The following PPP1R14C variants were observed in gnomAD, a reference collection of about 807,000 sequenced individuals.
PPP1R14C encodes the protein protein phosphatase 1 regulatory inhibitor subunit 14C, also known as protein phosphatase 1 regulatory subunit 14C.
PPP1R14C carries 16 observed loss-of-function variants against 20.4 expected under a neutral mutation model. The ratio of observed to expected loss-of-function variants is 0.78; its 90% confidence interval spans 0.53 to 1.19. The LOEUF (loss-of-function observed/expected upper bound fraction) is 1.19. Ranked by LOEUF, PPP1R14C falls within the 50% of genes most tolerant of loss-of-function variation. The pLI is 0.00. For missense variants in PPP1R14C, 211 were observed against 220.1 expected, an observed-to-expected ratio of 0.96 and a Z score of 0.26; for synonymous variants, 91 against 91.0, an observed-to-expected ratio of 1.00 and a Z score of 0.00.
chr6:150,178,142 G>A (rs1353404967), intron 1 of PPP1R14C, among the ~76,000 whole-genome samples: 2 of 152,188 alleles, frequency 1.3e-5, no homozygotes, highest in East Asian at 3.9e-4. Flanking sequence ...CCTTGCCCTT[G>A]TGTGTGCCCT....
chr6:150,188,362 A>C (rs1448656347), intron 1 of PPP1R14C, among the ~76,000 whole-genome samples: 4 of 152,208 alleles, frequency 2.6e-5, no homozygotes, highest in Admixed American at 1.3e-4. Context: ...CATTTTGTTC[A>C]GAAGAGATTG....
rs184918008 is a variant in PPP1R14C at position 150,206,066 on chromosome 6, A to G, written c.307-8678A>G. 5.3e-3 allele frequency among the ~76,000 whole-genome samples: 809 copies of G among 151,886 alleles called. 3 individuals carry two copies. The highest frequency in any genetic ancestry group is 9.0e-3 in the Non-Finnish European group (609 of 67,952). On this transcript the variant is annotated intron_variant, in intron 1 of 3. Transcript: ENST00000361131. ...CACATGCTCTGTCCCTTCCCCCACC[A>G]TGGCCCCAACTCTGATACAGTGACC... is the stretch of plus-strand genomic sequence containing the variant.
intron 1 of PPP1R14C, among the ~76,000 whole-genome samples, chr6:150,214,483 T>C (rs974362338): frequency 1.3e-5 from 2 of 151,912 alleles, no homozygotes; most frequent in African/African-American, 4.8e-5. Flanking sequence ...CCTTCCTTCC[T>C]TCATTTCCCT....
chr6:150,231,116 G>A (rs552362217), intron 3 of PPP1R14C, among the ~76,000 whole-genome samples: 15 of 152,302 alleles, frequency 9.8e-5, no homozygotes, highest in African/African-American at 2.9e-4. Context: ...GTGATACCAC[G>A]CCCCTGTGAC....
intron 1 of PPP1R14C, among the ~76,000 whole-genome samples, chr6:150,203,107 G>A (rs1336917958): frequency 1.3e-5 from 2 of 152,172 alleles, no homozygotes; most frequent in Non-Finnish European, 2.9e-5. Context: ...GGGGTTGTGT[G>A]TCATTTTCCT....
At chr6:150,217,020 T>A (rs1778102626) in intron 3 of PPP1R14C, among the ~76,000 whole-genome samples, 164 bp downstream of exon 3, 1 of 152,220 alleles carries the variant, frequency 6.6e-6, no homozygotes. Flanking sequence ...ACTTCATTAT[T>A]TCTAAGCCTA....
intron 3 of PPP1R14C, among the ~76,000 whole-genome samples, chr6:150,235,247 C>G (rs940184591): frequency 3.3e-5 from 5 of 152,192 alleles, no homozygotes; most frequent in African/African-American, 1.2e-4. Context: ...CACCACCACA[C>G]CCAGCCAATG....
intron 1 of PPP1R14C, among the ~76,000 whole-genome samples, chr6:150,209,566 C>G (rs1283076411): frequency 1.5e-5 from 2 of 131,004 alleles, no homozygotes; most frequent in African/African-American, 2.9e-5. Flanking sequence ...GTGTATTCAT[C>G]TGTGTGTATG....
intron 3 of PPP1R14C, among the ~76,000 whole-genome samples, chr6:150,222,394 G>A (rs13193924): frequency 0.035 from 5,315 of 152,106 alleles, 134 homozygotes; most frequent in Middle Eastern, 0.058. Context: ...CTCCCCAATT[G>A]TCACCATCTC....
chr6:150,239,585 T>A (rs1407599765), intron 3 of PPP1R14C, among the ~76,000 whole-genome samples: 4 of 152,194 alleles, frequency 2.6e-5, no homozygotes, highest in African/African-American at 9.6e-5. Flanking sequence ...CAATGCTTAG[T>A]GCTGCTGGGG....
intron 3 of PPP1R14C, among the ~76,000 whole-genome samples, chr6:150,233,541 C>T (rs148546623): frequency 3.1e-4 from 47 of 152,178 alleles, no homozygotes; most frequent in African/African-American, 1.1e-3. Context: ...TTAGTCACCC[C>T]GTTTGTGGTG....
chr6:150,158,414 T>C (rs1777328338), intron 1 of PPP1R14C, among the ~76,000 whole-genome samples: 1 of 152,218 alleles, frequency 6.6e-6, no homozygotes, highest in African/African-American at 2.4e-5. Context: ...CTCCAGAATC[T>C]AATCAACACT....
chr6:150,182,270 A>T (rs562916028), intron 1 of PPP1R14C, among the ~76,000 whole-genome samples: 1 of 152,188 alleles, frequency 6.6e-6, no homozygotes, highest in East Asian at 1.9e-4. Flanking sequence ...CAAATTATTC[A>T]ACCTCTCTGT....
chr6:150,151,980 C>T (rs564709405), intron 1 of PPP1R14C, among the ~76,000 whole-genome samples: 6 of 151,920 alleles, frequency 3.9e-5, no homozygotes, highest in Non-Finnish European at 7.4e-5. Flanking sequence ...ATTAGCCGGG[C>T]GTAGTGGCGG....
intron 2 of PPP1R14C, 56 bp downstream of exon 2, chr6:150,214,883 T>G: frequency 7.7e-7 from 1 of 1,299,640 alleles, no homozygotes; most frequent in Non-Finnish European, 1.1e-6. Flanking sequence ...AGAGTCTACT[T>G]GGGTCTTCAG....
chr6:150,218,346 T>C (rs918968793), intron 3 of PPP1R14C, among the ~76,000 whole-genome samples: 1 of 151,596 alleles, frequency 6.6e-6, no homozygotes, highest in African/African-American at 2.4e-5. Context: ...GAGCTTGCAG[T>C]GAGCCGAGAT....
chr6:150,187,467 A>C (rs1777691304), intron 1 of PPP1R14C, among the ~76,000 whole-genome samples: 1 of 151,970 alleles, frequency 6.6e-6, no homozygotes, highest in Admixed American at 6.6e-5. Flanking sequence ...CTCTACCCTT[A>C]AGGCCCTAGT....
intron 1 of PPP1R14C, among the ~76,000 whole-genome samples, chr6:150,203,194 T>A (rs1311112228): frequency 6.6e-6 from 1 of 152,228 alleles, no homozygotes; most frequent in Non-Finnish European, 1.5e-5. Flanking sequence ...GCCTGAAAAT[T>A]GCCCTGTGCT....
At position 150,222,765 on chromosome 6, in the gene PPP1R14C, C is replaced by CTTTTTTTT. The variant is rs4038164; in HGVS notation, c.423+5926_423+5933dup. ...AACATTTGAAGCCTTTTCAAACTGGCTTTTTTTTTTTTTTTTTTTTTTTTG... is the reference window on the plus strand; with the variant it reads ...AACATTTGAAGCCTTTTCAAACTGGCTTTTTTTTTTTTTTTTTTTTTTTTTTTTTTTTG... On this transcript the variant is annotated intron_variant, in intron 3 of 3. Transcript: ENST00000361131. Among the ~76,000 whole-genome samples the CTTTTTTTT allele has an allele frequency of 5.5e-3, 391 of 71,266 alleles. 24 individuals carry two copies. Among genetic ancestry groups the CTTTTTTTT allele is most frequent in the African/African-American group, 7.5e-3 (127 of 16,948 alleles). 46.8% of individuals were successfully genotyped at this position (71,266 alleles called of 152,430 possible). A position where few individuals can be genotyped will look rare whatever the true frequency, so the allele number is the denominator to read the frequency against.
Sources: gnomAD v4.1 joint callset for allele counts (sites outside exome capture counted in the v4.1 genomes callset) on GRCh38, gnomAD v4.1.1 for gene constraint, MANE v1.5 for transcripts, NCBI Gene and HGNC (gene_info 2026-07-23, HGNC 2026-07-21) for gene names.